Variants in ZMIZ2 observed in about 807,000 individuals in gnomAD.
The protein encoded by ZMIZ2 is zinc finger MIZ domain-containing protein 2.
A neutral mutation model predicts 93.9 loss-of-function variants in ZMIZ2; 26 were observed. The ratio of observed to expected loss-of-function variants is 0.28; its 90% confidence interval spans 0.20 to 0.38. The LOEUF (loss-of-function observed/expected upper bound fraction) is 0.38. Ranked by LOEUF, ZMIZ2 falls within the 10% of genes least tolerant of loss-of-function variation. The pLI, the probability that ZMIZ2 is intolerant of heterozygous loss-of-function variation, is 1.00. For missense variants in ZMIZ2, 1,023 were observed against 1,235.0 expected (o/e 0.83, Z 2.57); for synonymous variants, 485 against 516.4 (o/e 0.94, Z 0.82).
intron 6 of ZMIZ2, among the ~76,000 whole-genome samples, chr7:44,758,789 C>T (rs1790855473): frequency 6.6e-6 from 1 of 151,914 alleles, no homozygotes; most frequent in Non-Finnish European, 1.5e-5. Flanking sequence ...TGGCGGGCGC[C>T]TGCAGTCCCA....
Position 44,761,959 on chromosome 7 carries a change from G to C in ZMIZ2, c.1596+54G>C. On this transcript the variant is annotated intron_variant, in intron 11 of 18. Transcript: ENST00000309315. The surrounding 1 kb of genome is among the most constrained non-coding windows in gnomAD (Gnocchi z 5.8). Reference sequence around the variant, plus strand: ...CTGTGGCGTGGGGCGGGGTGTGGTGGGGCCTGGCCCAGCGGTGCCGTGGGG... The same window carrying C: ...CTGTGGCGTGGGGCGGGGTGTGGTGCGGCCTGGCCCAGCGGTGCCGTGGGG... 6.5e-7 allele frequency: 1 copy of C among 1,534,254 alleles called. No individual in the cohort carries two copies. Among genetic ancestry groups the C allele is most frequent in the South Asian group, 1.2e-5 (1 of 82,874 alleles).
At chr7:44,767,426 G>T (rs1446185334) in intron 18 of ZMIZ2, 90 bp from the exon 19 acceptor site, 1 of 1,150,952 alleles carries the variant, frequency 8.7e-7, no homozygotes. Flanking sequence ...ACTGTGCCTG[G>T]AGACAGGGCC....
chr7:44,757,218 G>A, intron 4 of ZMIZ2, 69 bp downstream of exon 4: 1 of 1,521,954 alleles, frequency 6.6e-7, no homozygotes, highest in Non-Finnish European at 8.7e-7. Context: ...CAGAACTGTG[G>A]CGCTGATCAG....
chr7:44,762,757 G>A (rs1791329832), intron 11 of ZMIZ2, 124 bp from the exon 12 acceptor site: 2 of 519,056 alleles, frequency 3.9e-6, no homozygotes, highest in African/African-American at 4.2e-5. Context: ...AGCTCACCCT[G>A]CCCTCAGCCT....
rs199846853 is a variant in ZMIZ2 at position 44,766,129 on chromosome 7, C to T, written c.2243-35C>T. 1.3e-3 allele frequency: 2,023 copies of T among 1,568,102 alleles called. 2 individuals are homozygous for T. Among genetic ancestry groups the T allele is most frequent in the Admixed American group, 2.1e-3 (109 of 53,126 alleles). On this transcript the variant is annotated intron_variant, in intron 16 of 18. Coordinates refer to ENST00000309315, the MANE Select transcript of ZMIZ2 (RefSeq NM_031449.4). The surrounding 1 kb of genome is among the most constrained non-coding windows in gnomAD (Gnocchi z 4.4). ...CTCCTCTGCCAGCGGTGGCCTTCCC[C>T]AGCCCTCACCCAGGCCCCGACTCTC...
rs1056132938 is a variant in ZMIZ2, at chr7:44,767,614, G to C, written c.2754G>C (p.Glu918Asp). 1 of 1,614,078 alleles carries C rather than the reference G, an allele frequency of 6.2e-7. No homozygotes were observed. Among genetic ancestry groups the C allele is most frequent in the Non-Finnish European group, 8.5e-7 (1 of 1,179,948 alleles). Residue 918 changes from glutamate (E) to aspartate (D), a missense_variant, in exon 19 of 19, where the codon GAG (glutamate) becomes GAC (aspartate). Transcript: ENST00000309315. Reference protein sequence around the residue: ...NNNDDLLSLFENN With the variant: ...NNNDDLLSLFDNN Reference sequence around the variant, plus strand: ...ATGACGACCTGCTTTCTCTGTTTGAGAACAACTGATCCTGTGTTTACCCCA... The same window carrying C: ...ATGACGACCTGCTTTCTCTGTTTGACAACAACTGATCCTGTGTTTACCCCA...
At chr7:44,764,850 T>A in intron 14 of ZMIZ2, 91 bp from the exon 15 acceptor site, 1 of 1,392,404 alleles carries the variant, frequency 7.2e-7, no homozygotes, top group Non-Finnish European at 1.0e-6. Flanking sequence ...TCATGCAGGG[T>A]CACAGCTGAC....
At chr7:44,751,967 GA>G (rs575364142) in intron 1 of ZMIZ2, among the ~76,000 whole-genome samples, 53 of 136,420 alleles carry the variant, frequency 3.9e-4, no homozygotes, top group Middle Eastern at 3.8e-3. Context: ...ATCTCAAAAA[GA>G]AAAAAAAAAA....
chr7:44,759,841 C>G (rs1164344339), intron 7 of ZMIZ2: 13 of 485,730 alleles, frequency 2.7e-5, no homozygotes, highest in Non-Finnish European at 1.8e-5. Flanking sequence ...GCCCTCGCTG[C>G]TGGCCATGTA....
Position 44,765,251 on chromosome 7 carries a change from A to C in ZMIZ2, c.1998-84A>C, listed in dbSNP as rs1419367830. The C allele has an allele frequency of 6.3e-7, 1 of 1,578,922 alleles. No individual in the cohort carries two copies. Among genetic ancestry groups the C allele is most frequent in the East Asian group, 2.2e-5 (1 of 44,484 alleles). On this transcript the variant is annotated intron_variant, in intron 15 of 18. Transcript: ENST00000309315. This position sits in a 1 kb window ranked among gnomAD's most constrained non-coding sequence, Gnocchi z 4.1. ...CATTTGAGTGGGGGAACCTGCCTGG[A>C]AACAGCCCAGGGCTGGGAGGGGCAG...
chr7:44,765,960 C>A lies in ZMIZ2; in HGVS notation c.2243-204C>A. 1 of 1,410,612 alleles carries A rather than the reference C, an allele frequency of 7.1e-7. No homozygotes were observed. The highest frequency in any genetic ancestry group is 9.2e-7 in the Non-Finnish European group (1 of 1,088,440). The allele number at this position is 1,410,612 out of a possible 1,614,324, so 87.4% of individuals were successfully genotyped here. A position where few individuals can be genotyped will look rare whatever the true frequency, so the allele number is the denominator to read the frequency against. ...ATTCCTATAACCTCCGAGACCTTCA[C>A]TCCTAGGAATGTCCCAAGGCCAATT... is the stretch of plus-strand genomic sequence containing the variant. On this transcript the variant is annotated intron_variant, in intron 16 of 18. Coordinates refer to ENST00000309315, the MANE Select transcript of ZMIZ2 (RefSeq NM_031449.4). The surrounding 1 kb of genome is among the most constrained non-coding windows in gnomAD (Gnocchi z 4.1).
intron 8 of ZMIZ2, 73 bp from the exon 9 acceptor site, chr7:44,760,352 G>C: frequency 6.3e-7 from 1 of 1,583,084 alleles, no homozygotes; most frequent in Non-Finnish European, 8.6e-7. Flanking sequence ...GTTCCCAGTG[G>C]GTGCGCCGTG....
chr7:44,757,394 G>T lies in ZMIZ2; in HGVS notation c.385G>T (p.Gly129Trp). 6.2e-7 allele frequency: 1 copy of T among 1,601,408 alleles called. No homozygotes were observed. Residue 129 changes from glycine to tryptophan, a missense_variant, in exon 5 of 19, where the codon GGG becomes TGG. By Grantham distance (184) the Gly-to-Trp change is radical. Transcript: ENST00000309315. The stretch of plus-strand genomic sequence containing the variant: ...CTCCTGCAGGTATGCAGGCGGCCCG[G>T]GGGGCCTGGGCCTCCCCTCACATGC... ...GFTTGYAGGP[G>W]GLGLPSHAAR...
intron 5 of ZMIZ2, 129 bp from the exon 6 acceptor site, chr7:44,757,719 G>A (rs1339294776): frequency 1.4e-6 from 2 of 1,450,982 alleles, no homozygotes; most frequent in Non-Finnish European, 1.8e-6. Context: ...AGGGTCTGAG[G>A]GGAGAGGTTT....
chr7:44,765,151 C>T lies in ZMIZ2; in HGVS notation c.1997+142C>T, dbSNP rs997739330. The T allele has an allele frequency of 1.1e-5, 15 of 1,422,126 alleles. No homozygotes were observed. In the Admixed American group the frequency reaches 1.3e-4, roughly 13 times the overall value. The allele number at this position is 1,422,126 out of a possible 1,614,324, so 88.1% of individuals were successfully genotyped here. Reference sequence around the variant, plus strand: ...AGGCTGGATTCCAGGCCAGAGACAGCGTGTGTGTCCTACCTGAGTGTTGGT... The same window carrying T: ...AGGCTGGATTCCAGGCCAGAGACAGTGTGTGTGTCCTACCTGAGTGTTGGT... On this transcript the variant is annotated intron_variant, in intron 15 of 18. Coordinates refer to ENST00000309315, the MANE Select transcript of ZMIZ2 (RefSeq NM_031449.4). This position sits in a 1 kb window ranked among gnomAD's most constrained non-coding sequence, Gnocchi z 4.1.
In ZMIZ2 at chr7:44,763,186, T is replaced by C. The variant is rs1791379234; in HGVS notation, c.1703-70T>C. ...GGTCAGTGACTGGGTCCCTGCCTCG[T>C]TGGCATCCCCATTCACACCTCCCCA... On this transcript the variant is annotated intron_variant, in intron 12 of 18. Transcript: ENST00000309315. This position sits in a 1 kb window ranked among gnomAD's most constrained non-coding sequence, Gnocchi z 5.6. The C allele has an allele frequency of 3.0e-5, 48 of 1,577,574 alleles. No homozygotes were observed. Among genetic ancestry groups the C allele is most frequent in the Non-Finnish European group, 4.1e-5 (47 of 1,157,362 alleles).
At position 44,765,242 on chromosome 7, in the gene ZMIZ2, C is replaced by A; in HGVS notation, c.1998-93C>A. 1.1e-5 allele frequency: 17 copies of A among 1,569,970 alleles called. No homozygotes were observed. The highest frequency in any genetic ancestry group is 1.5e-5 in the Non-Finnish European group (17 of 1,158,412). The stretch of plus-strand genomic sequence containing the variant: ...GGAAGCAAGCATTTGAGTGGGGGAA[C>A]CTGCCTGGAAACAGCCCAGGGCTGG... On this transcript the variant is annotated intron_variant, in intron 15 of 18. Transcript: ENST00000309315. The surrounding 1 kb of genome is among the most constrained non-coding windows in gnomAD (Gnocchi z 4.1).
intron 3 of ZMIZ2, 36 bp from the exon 4 acceptor site, chr7:44,756,911 G>A: frequency 6.2e-7 from 1 of 1,609,298 alleles, no homozygotes; most frequent in Non-Finnish European, 8.5e-7. Flanking sequence ...CACGTTGTTT[G>A]GCTGGTTCCC....
In ZMIZ2 at chr7:44,763,402, C is replaced by T. The variant is rs1489430172; in HGVS notation, c.1849C>T (p.Arg617Cys). ...GCTCCCTGCCCGAGGTCATGACTGT[C>T]GCCACATACAGGTAGGTGGTTACTG... ...IQLPARGHDC[R>C]HIQCFDLESY... The change falls in exon 13 of 19, where the codon CGC (arginine) becomes TGC (cysteine). Residue 617 changes from arginine to cysteine, a missense_variant. Arg to Cys is a radical substitution (Grantham distance 180). Transcript: ENST00000309315. The surrounding 1 kb of genome is among the most constrained non-coding windows in gnomAD (Gnocchi z 5.6). The T allele has an allele frequency of 3.1e-6, 5 of 1,613,914 alleles. No individual in the cohort carries two copies. Among genetic ancestry groups the T allele is most frequent in the African/African-American group, 2.7e-5 (2 of 74,904 alleles).
Sources: gnomAD v4.1 joint callset for allele counts (sites outside exome capture counted in the v4.1 genomes callset) on GRCh38, gnomAD v4.1.1 for gene constraint, Gnocchi (gnomAD v3.1) non-coding constraint, MANE v1.5 for transcripts, NCBI Gene and HGNC (gene_info 2026-07-23, HGNC 2026-07-21) for gene names.